The following MED21 variants were observed in gnomAD, a reference collection of about 807,000 sequenced individuals.
The protein encoded by MED21 is mediator complex subunit 21.
Under a neutral mutation model 18.2 loss-of-function variants are expected in MED21, and 9 were observed. The ratio of observed to expected loss-of-function variants is 0.49; its 90% confidence interval spans 0.30 to 0.86. The LOEUF is 0.86. Ranked by LOEUF, MED21 falls within the 40% of genes least tolerant of loss-of-function variation. The pLI is 0.07. For missense variants in MED21, 150 were observed against 170.9 expected, an observed-to-expected ratio of 0.88 and a Z score of 0.68; for synonymous variants, 73 against 60.5, an observed-to-expected ratio of 1.21 and a Z score of -0.96.
chr12:27,027,936 T>C (rs974804108), intron 3 of MED21, among the ~76,000 whole-genome samples: 1 of 152,254 alleles, frequency 6.6e-6, no homozygotes, highest in African/African-American at 2.4e-5. Context: ...CCTTTTGTTA[T>C]AATATTCAAA....
chr12:27,025,827 C>T (rs749628933), intron 1 of MED21, among the ~76,000 whole-genome samples: 6 of 151,888 alleles, frequency 4.0e-5, no homozygotes, highest in Non-Finnish European at 7.4e-5. Context: ...ATTGCTATTC[C>T]CAATCTTTAA....
At position 27,023,678 on chromosome 12, in the gene MED21, C is replaced by T. The variant is rs763931721; in HGVS notation, c.42+1057C>T. Among the ~76,000 whole-genome samples, 3 of 152,226 alleles carry T rather than the reference C, an allele frequency of 2.0e-5. No homozygotes were observed. The South Asian group carries it at 6.2e-4, about 32-fold the overall frequency. Reference sequence around the variant, plus strand: ...AGTAAGTAGCTCCCCAGCTTTGTTCCTTCTGGTTATTTTTCCTCCACACTA... The same window carrying T: ...AGTAAGTAGCTCCCCAGCTTTGTTCTTTCTGGTTATTTTTCCTCCACACTA... On this transcript the variant is annotated intron_variant, in intron 1 of 3. Transcript: ENST00000282892.
In MED21 at chr12:27,029,667, G is replaced by A. The variant is rs1379603514; in HGVS notation, c.*1206G>A. 49 of 985,276 alleles carry A rather than the reference G, an allele frequency of 5.0e-5. 1 individual carries two copies. The highest frequency in any genetic ancestry group is 5.5e-5 in the Non-Finnish European group (46 of 829,934). The allele number at this position is 985,276 out of a possible 1,614,324, so 61.0% of individuals were successfully genotyped here. ...ACCAGCGTTAGCTGTAAAAGTTGCAGCAATTTATTGGCTAGTCATAGAAAA... is the reference window on the plus strand; with the variant it reads ...ACCAGCGTTAGCTGTAAAAGTTGCAACAATTTATTGGCTAGTCATAGAAAA... On this transcript the variant is annotated 3_prime_UTR_variant, in exon 4 of 4. Transcript: ENST00000282892.
At position 27,029,104 on chromosome 12, in the gene MED21, A is replaced by T; in HGVS notation, c.*643A>T. The T allele has an allele frequency of 1.0e-6, 1 of 985,396 alleles. No individual in the cohort carries two copies. Among genetic ancestry groups the T allele is most frequent in the Non-Finnish European group, 1.2e-6 (1 of 829,920 alleles). 61.0% of individuals were successfully genotyped at this position (985,396 alleles called of 1,614,324 possible). On this transcript the variant is annotated 3_prime_UTR_variant, in exon 4 of 4. Transcript: ENST00000282892. ...CTGGCTGTTGTGAAAGAATTTTTCTACATCCTGAACTATTTTTCCTATTTC... is the reference window on the plus strand; with the variant it reads ...CTGGCTGTTGTGAAAGAATTTTTCTTCATCCTGAACTATTTTTCCTATTTC...
rs956691138 is a variant in MED21 at position 27,026,478 on chromosome 12, C to T, written c.101C>T (p.Ser34Phe). 3.7e-6 allele frequency: 6 copies of T among 1,613,872 alleles called. No homozygotes were observed. The African/African-American group carries it at 4.0e-5, about 11-fold the overall frequency. Residue 34 changes from serine to phenylalanine, a missense_variant, in exon 2 of 4, where the codon TCT (serine) becomes TTT (phenylalanine). Ser to Phe is a radical substitution (Grantham distance 155). Transcript: ENST00000282892. ...TTGCAGCAATGTGGTCCTCCTGCCT[C>T]TTTCAATAATATTCAGACAGCAATT... is the stretch of plus-strand genomic sequence containing the variant. ...GVLQQCGPPA[S>F]FNNIQTAINK...
downstream of MED21, among the ~76,000 whole-genome samples, chr12:27,035,165 C>T (rs1941642098): frequency 6.6e-6 from 1 of 152,148 alleles, no homozygotes; most frequent in Non-Finnish European, 1.5e-5. Flanking sequence ...ATGATCATGA[C>T]ACCACACACC....
At chr12:27,038,100 C>T (rs765783071) in intron 2 of MED21, 1 of 152,064 alleles carries the variant, frequency 6.6e-6, no homozygotes, top group Non-Finnish European at 1.5e-5. Flanking sequence ...TGGTGATTCT[C>T]ACCAACACAT....
At chr12:27,036,303 A>T (rs564092361) in intron 2 of MED21, among the ~76,000 whole-genome samples, 1 of 151,886 alleles carries the variant, frequency 6.6e-6, no homozygotes, top group Non-Finnish European at 1.5e-5. Flanking sequence ...TTTTCTTGTA[A>T]ATTTGTTGGA....
rs761155392 is a variant in MED21 at position 27,029,755 on chromosome 12, T to C, written c.*1294T>C. On this transcript the variant is annotated 3_prime_UTR_variant, in exon 4 of 4. Coordinates refer to ENST00000282892, the MANE Select transcript of MED21 (RefSeq NM_004264.5). ...TAAAAACACTTTGCTATCAGATATT[T>C]GGCATAAATCTGTACTCTTCATTAT... 2.0e-6 allele frequency: 2 copies of C among 984,994 alleles called. No homozygotes were observed. The highest frequency in any genetic ancestry group is 2.4e-6 in the Non-Finnish European group (2 of 829,268). 61.0% of individuals were successfully genotyped at this position (984,994 alleles called of 1,614,324 possible). A position where few individuals can be genotyped will look rare whatever the true frequency, so the allele number is the denominator to read the frequency against.
At position 27,030,163 on chromosome 12, in the gene MED21, G is replaced by C. The variant is rs1019075295; in HGVS notation, c.*1702G>C. 17 of 652,474 alleles carry C rather than the reference G, an allele frequency of 2.6e-5. No individual in the cohort carries two copies. The African/African-American group carries it at 3.0e-4, about 12-fold the overall frequency. 40.4% of individuals were successfully genotyped at this position (652,474 alleles called of 1,614,324 possible). A position where few individuals can be genotyped will look rare whatever the true frequency, so the allele number is the denominator to read the frequency against. ...CTTGTTTCTGTTTTTTTAAGGTGAA[G>C]TCTCTGTCACCCAAGCTGAAGTGCA... On this transcript the variant is annotated 3_prime_UTR_variant, in exon 4 of 4. Coordinates refer to ENST00000282892, the MANE Select transcript of MED21 (RefSeq NM_004264.5).
intron 1 of MED21, among the ~76,000 whole-genome samples, chr12:27,026,004 G>A (rs1399804545): frequency 1.3e-5 from 2 of 152,112 alleles, no homozygotes; most frequent in African/African-American, 4.8e-5. Context: ...TTGTGCATGA[G>A]AAATAAATTT....
downstream of MED21, among the ~76,000 whole-genome samples, chr12:27,032,590 G>T (rs1203741385): frequency 6.6e-6 from 1 of 152,118 alleles, no homozygotes; most frequent in African/African-American, 2.4e-5. Context: ...CTTTACTTGA[G>T]CCCTGTGCTT....
intron 2 of MED21, among the ~76,000 whole-genome samples, chr12:27,036,100 G>A (rs1941648006): frequency 1.3e-5 from 2 of 152,182 alleles, no homozygotes; most frequent in South Asian, 4.1e-4. Context: ...TCCAGCACCT[G>A]TTGTTTCCTG....
intron 3 of MED21, 75 bp from the exon 4 acceptor site, chr12:27,028,210 G>T (rs1044133803): frequency 2.1e-6 from 3 of 1,447,622 alleles, no homozygotes; most frequent in South Asian, 1.7e-5. Context: ...AAGTCATCCA[G>T]ATTTAAAAAT....
chr12:27,035,891 A>G (rs1409457071), intron 2 of MED21, among the ~76,000 whole-genome samples: 8 of 151,944 alleles, frequency 5.3e-5, no homozygotes, highest in South Asian at 2.1e-4. Flanking sequence ...TAGTGCCGCA[A>G]TAGACATACG....
chr12:27,030,104 C>A lies in MED21; in HGVS notation c.*1643C>A. 1.9e-6 allele frequency: 1 copy of A among 530,198 alleles called. No individual in the cohort carries two copies. Among genetic ancestry groups the A allele is most frequent in the Admixed American group, 3.2e-5 (1 of 31,202 alleles). 32.8% of individuals were successfully genotyped at this position (530,198 alleles called of 1,614,324 possible). Reference sequence around the variant, plus strand: ...AAAATTAACGTTGTTGTATGTGATTCTCTGTAGAGGATATACAGTTTTTTT... The same window carrying A: ...AAAATTAACGTTGTTGTATGTGATTATCTGTAGAGGATATACAGTTTTTTT... On this transcript the variant is annotated 3_prime_UTR_variant, in exon 4 of 4. Transcript: ENST00000282892.
chr12:27,037,175 C>T (rs1941654670), intron 2 of MED21: 1 of 150,412 alleles, frequency 6.6e-6, no homozygotes, highest in Non-Finnish European at 1.5e-5. Context: ...AAGTTGGATT[C>T]CTAAGTATTT....
At position 27,029,717 on chromosome 12, in the gene MED21, AATTG is replaced by A. The variant is rs1171178792; in HGVS notation, c.*1259_*1262del. On this transcript the variant is annotated 3_prime_UTR_variant, in exon 4 of 4. Transcript: ENST00000282892. ...ATTTTTGAACTTTTAACTGTATTTT[AATTG>A]ATGTTTATTAAAAACACTTTGCTAT... The A allele has an allele frequency of 1.4e-5, 14 of 984,646 alleles. No homozygotes were observed. The highest frequency in any genetic ancestry group is 1.7e-5 in the Non-Finnish European group (14 of 829,300). The allele number at this position is 984,646 out of a possible 1,614,324, so 61.0% of individuals were successfully genotyped here. A position where few individuals can be genotyped will look rare whatever the true frequency, so the allele number is the denominator to read the frequency against.
intron 1 of MED21, among the ~76,000 whole-genome samples, chr12:27,023,244 T>G (rs1296003800): frequency 1.3e-5 from 2 of 151,464 alleles, no homozygotes; most frequent in Non-Finnish European, 2.9e-5. Flanking sequence ...ATCTTTATGA[T>G]AGGAAATCTT....
Sources: allele counts gnomAD v4.1 joint callset (sites outside exome capture counted in the v4.1 genomes callset), GRCh38; gene constraint gnomAD v4.1.1; transcripts MANE v1.5; gene names NCBI Gene and HGNC (gene_info 2026-07-23, HGNC 2026-07-21).